Variants in TYW1 observed in about 807,000 individuals in gnomAD.
TYW1 encodes tRNA-yW synthesizing protein 1 homolog, also known as S-adenosyl-L-methionine-dependent tRNA 4-demethylwyosine synthase TYW1.
Under a neutral mutation model 96.2 loss-of-function variants are expected in TYW1, and 46 were observed. The observed-to-expected ratio is 0.48, with a 90% CI of 0.38 to 0.61. The LOEUF is 0.61. Ranked by LOEUF, TYW1 falls within the 20% of genes least tolerant of loss-of-function variation. The pLI, the probability that TYW1 is intolerant of heterozygous loss-of-function variation, is 0.00. For synonymous variants in TYW1, 274 were observed against 323.0 expected, an observed-to-expected ratio of 0.85 and a Z score of 1.63; for missense variants, 684 against 909.6, an observed-to-expected ratio of 0.75 and a Z score of 3.19.
chr7:67,163,450 C>G (rs1799223162), intron 13 of TYW1, among the ~76,000 whole-genome samples: 1 of 152,122 alleles, frequency 6.6e-6, no homozygotes, highest in African/African-American at 2.4e-5. Context: ...CTCCTTCACA[C>G]AGATGATATC....
intron 13 of TYW1, among the ~76,000 whole-genome samples, chr7:67,153,546 T>C (rs1584627467): frequency 1.3e-5 from 2 of 152,236 alleles, no homozygotes; most frequent in South Asian, 4.1e-4. Flanking sequence ...TGTATCATGC[T>C]ATATGTATAA....
intron 8 of TYW1, among the ~76,000 whole-genome samples, chr7:67,054,317 G>T (rs1795445654): frequency 6.6e-6 from 1 of 152,072 alleles, no homozygotes; most frequent in Admixed American, 6.6e-5. Context: ...AGAAACCTAT[G>T]TATCTTGGGA....
intron 7 of TYW1, among the ~76,000 whole-genome samples, chr7:67,026,320 G>A (rs144560068): frequency 0.11 from 16,751 of 152,070 alleles, 963 homozygotes; most frequent in Middle Eastern, 0.15. Context: ...TGATCTGCCC[G>A]CCTTGGCCTC....
intron 6 of TYW1, among the ~76,000 whole-genome samples, chr7:67,020,333 T>C (rs952968174): frequency 2.8e-5 from 4 of 142,886 alleles, no homozygotes; most frequent in African/African-American, 1.0e-4. Context: ...CAGTGAGCTA[T>C]GATCAAGCAG....
chr7:67,070,871 C>T (rs938202663), intron 10 of TYW1, among the ~76,000 whole-genome samples: 4 of 152,002 alleles, frequency 2.6e-5, no homozygotes, highest in Non-Finnish European at 4.4e-5. Flanking sequence ...GTGGCTCATG[C>T]CTGTAATTCC....
rs530680537 is a variant in TYW1, at chr7:67,017,785, T to G, written c.571-68T>G. Reference sequence around the variant, plus strand: ...GGGCCTCGGAAGGACTTTGGGCTTTTGCAGAGCAGTCTGGAAAACCCTGAT... The same window carrying G: ...GGGCCTCGGAAGGACTTTGGGCTTTGGCAGAGCAGTCTGGAAAACCCTGAT... On this transcript the variant is annotated intron_variant, in intron 5 of 15. Transcript: ENST00000359626. 1.3e-4 allele frequency: 207 copies of G among 1,544,920 alleles called. No individual in the cohort carries two copies. The East Asian group carries it at 4.4e-3, about 33-fold the overall frequency.
chr7:67,067,309 T>A lies in TYW1; in HGVS notation c.1180T>A (p.Cys394Ser). 1 of 1,613,984 alleles carries A rather than the reference T, an allele frequency of 6.2e-7. No homozygotes were observed. Among genetic ancestry groups the A allele is most frequent in the Non-Finnish European group, 8.5e-7 (1 of 1,179,862 alleles). ...GTCCATGCTCCGAGGGAGAGGAGGT[T>A]GTTACAAACACACATTCTATGGAAT... Reference protein sequence around the residue: ...TKSMLRGRGGCYKHTFYGIES... With the variant: ...TKSMLRGRGGSYKHTFYGIES... The change falls in exon 10 of 16, where the codon TGT (cysteine) becomes AGT (serine). Residue 394 changes from cysteine to serine, a missense_variant. Coordinates refer to ENST00000359626, the MANE Select transcript of TYW1 (RefSeq NM_018264.4).
intron 9 of TYW1, among the ~76,000 whole-genome samples, chr7:67,059,969 C>T (rs567453539): frequency 6.6e-6 from 1 of 151,874 alleles, no homozygotes; most frequent in Non-Finnish European, 1.5e-5. Flanking sequence ...GACAGGGTTT[C>T]ACCATGTTGG....
chr7:67,013,218 G>T (rs1371997988), intron 4 of TYW1, among the ~76,000 whole-genome samples: 1 of 151,774 alleles, frequency 6.6e-6, no homozygotes, highest in Non-Finnish European at 1.5e-5. Context: ...TGCCTCCTGG[G>T]CTCAAGCAGT....
chr7:67,071,393 A>G (rs929487271), intron 10 of TYW1, among the ~76,000 whole-genome samples: 2 of 151,588 alleles, frequency 1.3e-5, no homozygotes, highest in East Asian at 1.9e-4. Context: ...ATTGGAAAAA[A>G]AAAAAAAAGC....
intron 4 of TYW1, among the ~76,000 whole-genome samples, chr7:67,011,927 G>A (rs1162415904): frequency 6.6e-6 from 1 of 151,498 alleles, no homozygotes; most frequent in Non-Finnish European, 1.5e-5. Context: ...AAACTTTCAC[G>A]TGAAGGGCCA....
chr7:67,016,980 ATTTTTT>A (rs35358824), intron 5 of TYW1, among the ~76,000 whole-genome samples: 1 of 121,766 alleles, frequency 8.2e-6, no homozygotes, highest in Non-Finnish European at 1.7e-5. Flanking sequence ...AGATATGTAA[ATTTTTT>A]TTTTTTTTTT....
intron 13 of TYW1, among the ~76,000 whole-genome samples, chr7:67,132,476 A>T (rs1202944210): frequency 6.6e-6 from 1 of 152,190 alleles, no homozygotes; most frequent in African/African-American, 2.4e-5. Context: ...AGTGTTTTCC[A>T]TATTTTAAAA....
intron 10 of TYW1, among the ~76,000 whole-genome samples, chr7:67,082,435 G>A (rs866979068): frequency 6.6e-6 from 1 of 152,284 alleles, no homozygotes; most frequent in South Asian, 2.1e-4. Flanking sequence ...CACTGGCCTG[G>A]ACTGTGGGTG....
intron 15 of TYW1, among the ~76,000 whole-genome samples, chr7:67,200,619 G>A (rs1418899449): frequency 6.6e-6 from 1 of 152,148 alleles, no homozygotes; most frequent in Non-Finnish European, 1.5e-5. Context: ...GGTGAGATTT[G>A]GGTGGGGACA....
At chr7:67,001,585 C>A (rs1202419597) in intron 3 of TYW1, among the ~76,000 whole-genome samples, 1 of 151,562 alleles carries the variant, frequency 6.6e-6, no homozygotes, top group African/African-American at 2.4e-5. Context: ...CTATGCCCAG[C>A]TAGTTTTTGT....
intron 13 of TYW1, among the ~76,000 whole-genome samples, chr7:67,140,442 T>C (rs1370556221): frequency 6.6e-6 from 1 of 152,156 alleles, no homozygotes; most frequent in Non-Finnish European, 1.5e-5. Context: ...ATAAAGTTGG[T>C]ACACTTTTAA....
Position 67,098,724 on chromosome 7 carries a change from T to A in TYW1, c.1562+6T>A. ...CAATTTCCTGCGGAAATCAGGTGAG[T>A]TCTCCAGCCTATGGAGAGATGCTGC... On this transcript the variant is annotated splice_donor_region_variant and intron_variant, in intron 12 of 15. Coordinates refer to ENST00000359626, the MANE Select transcript of TYW1 (RefSeq NM_018264.4). 3 of 1,611,428 alleles carry A rather than the reference T, an allele frequency of 1.9e-6. No individual in the cohort carries two copies. The highest frequency in any genetic ancestry group is 2.5e-6 in the Non-Finnish European group (3 of 1,178,652).
At chr7:67,083,404 T>C (rs770807384) in intron 10 of TYW1, 26 bp from the exon 11 acceptor site, 1 of 1,611,104 alleles carries the variant, frequency 6.2e-7, no homozygotes, top group South Asian at 1.1e-5. Context: ...AGAAGGGTCT[T>C]TTAGAACTTT....
Sources: allele counts gnomAD v4.1 joint callset (sites outside exome capture counted in the v4.1 genomes callset), GRCh38; gene constraint gnomAD v4.1.1; transcripts MANE v1.5; gene names NCBI Gene and HGNC (gene_info 2026-07-23, HGNC 2026-07-21).